NSRP1: variants seen among roughly 807,000 people sequenced by gnomAD.
The protein encoded by NSRP1 is coiled-coil domain containing 55.
Under a neutral mutation model 54.7 loss-of-function variants are expected in NSRP1, and 24 were observed. The ratio of observed to expected loss-of-function variants is 0.44; its 90% confidence interval spans 0.32 to 0.62. The LOEUF is 0.62. Ranked by LOEUF, NSRP1 falls within the 20% of genes least tolerant of loss-of-function variation. The pLI is 0.06. For synonymous variants in NSRP1, 210 were observed against 213.8 expected (o/e 0.98, Z 0.15); for missense variants, 596 against 651.2 (o/e 0.92, Z 0.92).
At chr17:30,126,734 C>T (rs939285616) in intron 2 of NSRP1, among the ~76,000 whole-genome samples, 1 of 152,170 alleles carries the variant, frequency 6.6e-6, no homozygotes, top group Non-Finnish European at 1.5e-5. Context: ...ACCACCGGTG[C>T]GAGACACCAC....
chr17:30,123,577 A>G (rs1228682758), intron 2 of NSRP1, among the ~76,000 whole-genome samples: 7 of 152,198 alleles, frequency 4.6e-5, no homozygotes, highest in African/African-American at 1.7e-4. Flanking sequence ...TTTTGAGGAA[A>G]TACATTTTTT....
chr17:30,163,498 T>C (rs1904611028), intron 2 of NSRP1, among the ~76,000 whole-genome samples: 1 of 152,130 alleles, frequency 6.6e-6, no homozygotes, highest in South Asian at 2.1e-4. Context: ...TAAAGATTTT[T>C]TATTTTTTTG....
chr17:30,176,186 T>A (rs745632678), intron 3 of NSRP1, among the ~76,000 whole-genome samples: 2 of 152,148 alleles, frequency 1.3e-5, no homozygotes, highest in Non-Finnish European at 2.9e-5. Context: ...ATTATGGATT[T>A]GTCTATTTTT....
In NSRP1 at chr17:30,179,116, A is replaced by C. The variant is rs1366669653; in HGVS notation, c.327A>C (p.Lys109Asn). The C allele has an allele frequency of 8.2e-6, 13 of 1,592,948 alleles. No individual in the cohort carries two copies. The Middle Eastern group carries it at 8.3e-4, about 102-fold the overall frequency. ...CCAAGTATATTCACAACTTGCTAAA[A>C]GCAGTTGAGATCAGAAAAAAGGAAC... Reference protein sequence around the residue: ...RKPKYIHNLLKAVEIRKKEQE... With the variant: ...RKPKYIHNLLNAVEIRKKEQE... The change falls in exon 5 of 7, where the codon AAA (lysine) becomes AAC (asparagine). Residue 109 changes from lysine to asparagine, a missense_variant. By Grantham distance (94) the Lys-to-Asn change is moderately conservative. Transcript: ENST00000247026.
chr17:30,179,196 A>C lies in NSRP1; in HGVS notation c.407A>C (p.Glu136Ala). 2 of 1,611,550 alleles carry C rather than the reference A, an allele frequency of 1.2e-6. No homozygotes were observed. Among genetic ancestry groups the C allele is most frequent in the Non-Finnish European group, 1.7e-6 (2 of 1,178,658 alleles). ...IQREREMEKG[E>A]FDDKEAFVTS... Reference sequence around the variant, plus strand: ...AGAGAACGAGAAATGGAAAAGGGGGAGTTTGATGATAAAGAAGCATTTGTG... The same window carrying C: ...AGAGAACGAGAAATGGAAAAGGGGGCGTTTGATGATAAAGAAGCATTTGTG... The change falls in exon 5 of 7, where the codon GAG (glutamate) becomes GCG (alanine). Residue 136 changes from glutamate (E) to alanine (A), a missense_variant. Physicochemically the swap from Glu to Ala is moderately radical, Grantham distance 107. Transcript: ENST00000247026.
Position 30,185,297 on chromosome 17 carries a change from T to G in NSRP1, c.1300T>G (p.Tyr434Asp). 6.2e-7 allele frequency: 1 copy of G among 1,605,044 alleles called. No individual in the cohort carries two copies. The highest frequency in any genetic ancestry group is 8.5e-7 in the Non-Finnish European group (1 of 1,177,596). The change falls in exon 7 of 7, where the codon TAC becomes GAC. Residue 434 changes from tyrosine to aspartate, a missense_variant. Transcript: ENST00000247026. ...GGAAAGATATGAAAATAATGATAAA[T>G]ACAGAGATAGAGAAAAACGAGAGGT... ...RKERYENNDK[Y>D]RDREKREVGV...
intron 2 of NSRP1, among the ~76,000 whole-genome samples, chr17:30,141,066 C>T (rs1464814786): frequency 6.6e-6 from 1 of 152,204 alleles, no homozygotes; most frequent in Non-Finnish European, 1.5e-5. Flanking sequence ...AGCAGTTCTC[C>T]TGCTTTGACT....
At chr17:30,131,754 G>A (rs1045598466) in intron 2 of NSRP1, among the ~76,000 whole-genome samples, 1 of 151,958 alleles carries the variant, frequency 6.6e-6, no homozygotes, top group African/African-American at 2.4e-5. Flanking sequence ...TGCATTGATC[G>A]ACTCTTCCTT....
chr17:30,180,757 A>G (rs1905265074), intron 5 of NSRP1, 151 bp from the exon 6 acceptor site: 2 of 531,248 alleles, frequency 3.8e-6, no homozygotes, highest in African/African-American at 3.9e-5. Flanking sequence ...TATTTATGAA[A>G]ACAGGCAACA....
chr17:30,123,617 C>G (rs1424761163), intron 2 of NSRP1, among the ~76,000 whole-genome samples: 1 of 152,160 alleles, frequency 6.6e-6, no homozygotes, highest in African/African-American at 2.4e-5. Context: ...TAGTGTCCTA[C>G]CTAAGAAACC....
Position 30,142,955 on chromosome 17 carries a change from A to G in NSRP1, c.114+24782A>G, listed in dbSNP as rs114746808. ...TATTGTTTTATTTGGTTTGTGTACA[A>G]TCTCATTGCACTCTTTTTACTCAAC... On this transcript the variant is annotated intron_variant, in intron 2 of 6. Coordinates refer to ENST00000247026, the MANE Select transcript of NSRP1 (RefSeq NM_032141.4). 5.9e-3 allele frequency among the ~76,000 whole-genome samples: 894 copies of G among 152,240 alleles called. 7 individuals are homozygous for G. Among genetic ancestry groups the G allele is most frequent in the African/African-American group, 0.02 (839 of 41,526 alleles).
At chr17:30,132,451 G>A (rs2071709421) in intron 2 of NSRP1, among the ~76,000 whole-genome samples, 1 of 151,704 alleles carries the variant, frequency 6.6e-6, no homozygotes, top group Non-Finnish European at 1.5e-5. Context: ...CTACTCAGAA[G>A]ACTGAGGCAG....
At chr17:30,141,783 G>A (rs555730487) in intron 2 of NSRP1, among the ~76,000 whole-genome samples, 1 of 152,274 alleles carries the variant, frequency 6.6e-6, no homozygotes, top group East Asian at 1.9e-4. Flanking sequence ...TGGGCGGATT[G>A]ATTGAGCTCA....
rs534516126 is a variant in NSRP1 at position 30,132,894 on chromosome 17, A to G, written c.114+14721A>G. Among the ~76,000 whole-genome samples the G allele has an allele frequency of 3.5e-3, 532 of 152,292 alleles. 3 individuals carry two copies. Among genetic ancestry groups the G allele is most frequent in the African/African-American group, 0.012 (513 of 41,562 alleles). Reference sequence around the variant, plus strand: ...GAAGGTTTTCAGTTTACTTGCCCACATCTGTCAGAGGAATCACTGTCTGTG... The same window carrying G: ...GAAGGTTTTCAGTTTACTTGCCCACGTCTGTCAGAGGAATCACTGTCTGTG... On this transcript the variant is annotated intron_variant, in intron 2 of 6. Transcript: ENST00000247026.
chr17:30,123,265 G>C (rs2071620451), intron 2 of NSRP1, among the ~76,000 whole-genome samples: 1 of 151,990 alleles, frequency 6.6e-6, no homozygotes, highest in African/African-American at 2.4e-5. Flanking sequence ...TTACAGGCAT[G>C]TGCCACTACG....
intron 2 of NSRP1, among the ~76,000 whole-genome samples, chr17:30,128,947 G>C (rs1156445956): frequency 6.6e-6 from 1 of 150,856 alleles, no homozygotes; most frequent in Non-Finnish European, 1.5e-5. Flanking sequence ...TGTAGAGATG[G>C]GGGTCTCGCT....
Position 30,184,612 on chromosome 17 carries a change from A to G in NSRP1, c.618-3A>G. 1 of 1,533,058 alleles carries G rather than the reference A, an allele frequency of 6.5e-7. No homozygotes were observed. Among genetic ancestry groups the G allele is most frequent in the African/African-American group, 1.4e-5 (1 of 71,758 alleles). 95.0% of individuals were successfully genotyped at this position (1,533,058 alleles called of 1,614,324 possible). The stretch of plus-strand genomic sequence containing the variant: ...CTGCCCTTTTTTGTTTTTTGTTTCT[A>G]AGATCTGGTATAAAGGAAGAAAAAT... On this transcript the variant is annotated splice_polypyrimidine_tract_variant and splice_region_variant and intron_variant, in intron 6 of 6. Coordinates refer to ENST00000247026, the MANE Select transcript of NSRP1 (RefSeq NM_032141.4).
intron 6 of NSRP1, among the ~76,000 whole-genome samples, chr17:30,181,755 T>C (rs1055379387): frequency 6.6e-6 from 1 of 151,818 alleles, no homozygotes; most frequent in South Asian, 2.1e-4. Flanking sequence ...GGACTATAGG[T>C]GCATGCACTA....
intron 2 of NSRP1, among the ~76,000 whole-genome samples, chr17:30,169,706 TAGTC>T (rs752191259): frequency 2.6e-5 from 4 of 152,100 alleles, no homozygotes; most frequent in Non-Finnish European, 4.4e-5. Flanking sequence ...TTCCCCCAGT[TAGTC>T]AGTTTACCAT....
Sources: gnomAD v4.1 joint callset for allele counts (sites outside exome capture counted in the v4.1 genomes callset) on GRCh38, gnomAD v4.1.1 for gene constraint, MANE v1.5 for transcripts, NCBI Gene and HGNC (gene_info 2026-07-23, HGNC 2026-07-21) for gene names.